Variants in CENPC observed in about 807,000 individuals in gnomAD.
The protein encoded by CENPC is CENP-C 1.
A neutral mutation model predicts 112.1 loss-of-function variants in CENPC; 63 were observed. The ratio of observed to expected loss-of-function variants is 0.56; its 90% CI spans 0.46 to 0.69. The LOEUF (loss-of-function observed/expected upper bound fraction) is 0.69. Ranked by LOEUF, CENPC falls within the 30% of genes least tolerant of loss-of-function variation. CENPC has a pLI of 0.00. For missense variants in CENPC, 1,000 were observed against 1,103.8 expected (o/e 0.91, Z 1.33); for synonymous variants, 333 against 367.6 (o/e 0.91, Z 1.08).
At chr4:67,512,615 A>G (rs771129719) in intron 8 of CENPC, 46 bp from the exon 9 acceptor site, 1 of 1,340,204 alleles carries the variant, frequency 7.5e-7, no homozygotes, top group South Asian at 1.7e-5. Context: ...CTACTAAAAG[A>G]GTTTTCAGAA....
At chr4:67,492,846 T>C in intron 15 of CENPC, 23 bp downstream of exon 15, 2 of 1,519,356 alleles carry the variant, frequency 1.3e-6, no homozygotes, top group Non-Finnish European at 1.8e-6. Flanking sequence ...ATCTAAAAGT[T>C]ACTTTCAGAA....
chr4:67,507,741 A>G (rs1235669435), intron 10 of CENPC, among the ~76,000 whole-genome samples: 1 of 152,188 alleles, frequency 6.6e-6, no homozygotes, highest in Non-Finnish European at 1.5e-5. Flanking sequence ...AACTCATTGT[A>G]TAAAGCCAGT....
chr4:67,530,814 C>G lies in CENPC; in HGVS notation c.331+1G>C. On this transcript the variant is annotated splice_donor_variant, in intron 5 of 18. Transcript: ENST00000273853. LOFTEE classifies it high-confidence loss of function. ...ATAATGCCCATGGAGATGGCACCAA[C>G]CTGATCTGTTTGTGGCTTCACTTGG... 6.5e-7 allele frequency: 1 copy of G among 1,544,198 alleles called. No homozygotes were observed. The highest frequency in any genetic ancestry group is 8.8e-7 in the Non-Finnish European group (1 of 1,130,028).
intron 12 of CENPC, among the ~76,000 whole-genome samples, chr4:67,504,649 A>T (rs1157058726): frequency 1.3e-5 from 2 of 151,844 alleles, no homozygotes; most frequent in Non-Finnish European, 2.9e-5. Context: ...GTGAAACCCC[A>T]TCTCTACTAA....
chr4:67,487,645 GTT>G, intron 17 of CENPC, among the ~76,000 whole-genome samples: 1 of 151,558 alleles, frequency 6.6e-6, no homozygotes, highest in Non-Finnish European at 1.5e-5. Flanking sequence ...TTTTCATTGG[GTT>G]TTTTCTCTCT....
chr4:67,479,052 A>G (rs960866948), intron 17 of CENPC, among the ~76,000 whole-genome samples: 1 of 152,204 alleles, frequency 6.6e-6, no homozygotes, highest in Non-Finnish European at 1.5e-5. Context: ...ACCTAACACC[A>G]GAGCTCCCAA....
At chr4:67,501,286 TGA>T (rs1186112437) in intron 12 of CENPC, among the ~76,000 whole-genome samples, 1 of 151,998 alleles carries the variant, frequency 6.6e-6, no homozygotes, top group African/African-American at 2.4e-5. Flanking sequence ...CCAGCCTGGG[TGA>T]GAGAGCAAGA....
intron 5 of CENPC, among the ~76,000 whole-genome samples, chr4:67,524,594 GA>G (rs1407161624): frequency 6.6e-6 from 1 of 152,056 alleles, no homozygotes; most frequent in Non-Finnish European, 1.5e-5. Flanking sequence ...CTGCTACAGA[GA>G]AAATAAAATA....
At chr4:67,485,494 A>G (rs1725071894) in intron 17 of CENPC, among the ~76,000 whole-genome samples, 1 of 152,058 alleles carries the variant, frequency 6.6e-6, no homozygotes, top group African/African-American at 2.4e-5. Flanking sequence ...TGGGATCAGG[A>G]GGTGGGGAAT....
intron 17 of CENPC, among the ~76,000 whole-genome samples, chr4:67,477,915 A>G (rs927919856): frequency 6.6e-6 from 1 of 152,144 alleles, no homozygotes; most frequent in Non-Finnish European, 1.5e-5. Context: ...AATACATTAG[A>G]AAGTTTTAAC....
At chr4:67,489,446 GT>G (rs1371568052) in intron 17 of CENPC, among the ~76,000 whole-genome samples, 3 of 151,816 alleles carry the variant, frequency 2.0e-5, no homozygotes, top group Non-Finnish European at 4.4e-5. Flanking sequence ...TAGTTAAGTA[GT>G]TTTTTTATAA....
At chr4:67,535,631 T>A (rs1182193161) in intron 4 of CENPC, among the ~76,000 whole-genome samples, 1 of 152,126 alleles carries the variant, frequency 6.6e-6, no homozygotes, top group Non-Finnish European at 1.5e-5. Context: ...AAAGAAAATT[T>A]AACCATTAGT....
At position 67,506,802 on chromosome 4, in the gene CENPC, T is replaced by C; in HGVS notation, c.2037A>G (p.Ser679=). 1 of 1,602,912 alleles carries C rather than the reference T, an allele frequency of 6.2e-7. No individual in the cohort carries two copies. Among genetic ancestry groups the C allele is most frequent in the Non-Finnish European group, 8.5e-7 (1 of 1,174,918 alleles). ...TACACGCATACCTTTCCTCTAAAAC[T>C]GAAGTCTTATGCTCTCCAGAATCCA... ...SNLDSGEHKT[S]VLEESGPSRL... Residue 679 remains serine, a synonymous_variant, in exon 11 of 19, where the codon TCA becomes TCG. Transcript: ENST00000273853.
intron 17 of CENPC, among the ~76,000 whole-genome samples, chr4:67,483,858 T>G (rs1725019369): frequency 6.6e-6 from 1 of 152,044 alleles, no homozygotes. Context: ...ATGGTTGAAT[T>G]TTAAGTATTA....
chr4:67,535,118 C>A lies in CENPC; in HGVS notation c.232-4204G>T, dbSNP rs1357389978. 2.0e-5 allele frequency among the ~76,000 whole-genome samples: 3 copies of A among 151,864 alleles called. No homozygotes were observed. The East Asian group carries it at 5.8e-4, about 29-fold the overall frequency. ...ATTTGTAAGTCTAAGGGAAAATACA[C>A]CTGACTAAAAGGGAGGCTTGATATG... On this transcript the variant is annotated intron_variant, in intron 4 of 18. Coordinates refer to ENST00000273853, the MANE Select transcript of CENPC (RefSeq NM_001812.4).
chr4:67,504,852 T>C (rs1459826538), intron 12 of CENPC, among the ~76,000 whole-genome samples: 1 of 152,050 alleles, frequency 6.6e-6, no homozygotes, highest in African/African-American at 2.4e-5. Context: ...TTTTCAAGTA[T>C]TGAAAATAGA....
At chr4:67,538,793 G>A (rs1331635414) in intron 4 of CENPC, among the ~76,000 whole-genome samples, 2 of 152,188 alleles carry the variant, frequency 1.3e-5, no homozygotes, top group Non-Finnish European at 2.9e-5. Flanking sequence ...AGCCAGAGTG[G>A]AAAACCTCCA....
Position 67,471,347 on chromosome 4 carries a change from T to A in CENPC, c.*1258A>T, listed in dbSNP as rs763078999. The stretch of plus-strand genomic sequence containing the variant: ...CCTTAGATATAAAACAAAATTGAGT[T>A]GCTACAATATGCTACCTAAAATGTC... On this transcript the variant is annotated 3_prime_UTR_variant, in exon 19 of 19. Transcript: ENST00000273853. 1 of 152,154 alleles carries A rather than the reference T, an allele frequency of 6.6e-6. No individual in the cohort carries two copies. The highest frequency in any genetic ancestry group is 1.5e-5 in the Non-Finnish European group (1 of 68,020). 9.4% of individuals were successfully genotyped at this position (152,154 alleles called of 1,614,324 possible). A position where few individuals can be genotyped will look rare whatever the true frequency, so the allele number is the denominator to read the frequency against.
rs946177977 is a variant in CENPC at position 67,470,905 on chromosome 4, C to T, written c.*1700G>A. 2 of 152,258 alleles carry T rather than the reference C, an allele frequency of 1.3e-5. No individual in the cohort carries two copies. The highest frequency in any genetic ancestry group is 4.8e-5 in the African/African-American group (2 of 41,438). The allele number at this position is 152,258 out of a possible 1,614,324, so 9.4% of individuals were successfully genotyped here. A position where few individuals can be genotyped will look rare whatever the true frequency, so the allele number is the denominator to read the frequency against. ...CTTGAAGAGCAACAGAGCAGCCAGA[C>T]ATTTAACAAGGTCCTGGAAACAGAA... On this transcript the variant is annotated 3_prime_UTR_variant, in exon 19 of 19. Transcript: ENST00000273853.
Sources: gnomAD v4.1 joint callset for allele counts (sites outside exome capture counted in the v4.1 genomes callset) on GRCh38, gnomAD v4.1.1 for gene constraint, MANE v1.5 for transcripts, NCBI Gene and HGNC (gene_info 2026-07-23, HGNC 2026-07-21) for gene names.